CWH43: variants seen among roughly 807,000 people sequenced by gnomAD.
CWH43 encodes the protein PGAP2-interacting protein.
A neutral mutation model predicts 85.7 loss-of-function variants in CWH43; 91 were observed. The observed-to-expected ratio is 1.06, with a 90% CI of 0.90 to 1.26. The LOEUF (loss-of-function observed/expected upper bound fraction) is 1.26. Ranked by LOEUF, CWH43 falls within the 50% of genes most tolerant of loss-of-function variation. The pLI is 0.00. For missense variants in CWH43, 869 were observed against 839.2 expected (o/e 1.04, Z -0.44); for synonymous variants, 323 against 293.6 (o/e 1.10, Z -1.02).
intron 13 of CWH43, among the ~76,000 whole-genome samples, chr4:49,039,336 G>GATATATATATATACTT (rs1784374851): frequency 4.5e-4 from 2 of 4,422 alleles, no homozygotes; most frequent in Admixed American, 4.9e-3. Flanking sequence ...TATATATACT[G>GATATATATATATACTT]ATGTATATAT....
At chr4:49,030,649 A>G (rs1360757178) in intron 10 of CWH43, among the ~76,000 whole-genome samples, 176 bp from the exon 11 acceptor site, 1 of 152,164 alleles carries the variant, frequency 6.6e-6, no homozygotes, top group Non-Finnish European at 1.5e-5. Flanking sequence ...AACGTGGGGA[A>G]ATTCCTTTAG....
intron 13 of CWH43, among the ~76,000 whole-genome samples, chr4:49,039,394 C>T (rs201711838): frequency 5.4e-5 from 3 of 55,900 alleles, no homozygotes; most frequent in Middle Eastern, 0.013. Flanking sequence ...TATATATATA[C>T]ACACTGATAT....
At chr4:49,050,651 A>G in intron 14 of CWH43, 43 bp from the exon 15 acceptor site, 1 of 1,537,544 alleles carries the variant, frequency 6.5e-7, no homozygotes, top group Non-Finnish European at 8.9e-7. Flanking sequence ...AGATTTCTAT[A>G]CAATAATAAA....
intron 8 of CWH43, among the ~76,000 whole-genome samples, chr4:49,008,242 A>T (rs1312844661): frequency 6.6e-6 from 1 of 151,652 alleles, no homozygotes; most frequent in African/African-American, 2.4e-5. Context: ...GCATTTTTTC[A>T]TGTGTATGTT....
intron 8 of CWH43, among the ~76,000 whole-genome samples, chr4:49,008,493 G>A (rs905615302): frequency 1.3e-5 from 2 of 152,118 alleles, no homozygotes; most frequent in African/African-American, 4.8e-5. Context: ...GATCCCATTT[G>A]TCAATTTTGG....
chr4:48,987,247 G>A (rs1298694312), intron 1 of CWH43, among the ~76,000 whole-genome samples: 4 of 152,094 alleles, frequency 2.6e-5, no homozygotes, highest in Non-Finnish European at 4.4e-5. Flanking sequence ...GGCTCAGCCT[G>A]TATCTATAAG....
At chr4:49,040,198 A>G (rs957460504) in intron 13 of CWH43, among the ~76,000 whole-genome samples, 2 of 152,190 alleles carry the variant, frequency 1.3e-5, no homozygotes, top group African/African-American at 2.4e-5. Flanking sequence ...TAGTGCCGCA[A>G]TAAACATACG....
At chr4:49,011,222 A>G (rs1268295576) in intron 8 of CWH43, among the ~76,000 whole-genome samples, 2 of 152,030 alleles carry the variant, frequency 1.3e-5, no homozygotes, top group Admixed American at 1.3e-4. Flanking sequence ...TCCCTTTACT[A>G]TTATGTAATG....
chr4:49,055,787 G>T (rs1328972187), intron 15 of CWH43, among the ~76,000 whole-genome samples: 1 of 151,916 alleles, frequency 6.6e-6, no homozygotes, highest in Admixed American at 6.6e-5. Flanking sequence ...ATAGGGTTTC[G>T]CCATGTTGGC....
intron 12 of CWH43, among the ~76,000 whole-genome samples, chr4:49,032,999 T>A (rs1264091784): frequency 6.6e-6 from 1 of 152,084 alleles, no homozygotes; most frequent in Non-Finnish European, 1.5e-5. Context: ...TGCTCTTCAC[T>A]CTGTGTAGGG....
intron 9 of CWH43, among the ~76,000 whole-genome samples, chr4:49,019,630 G>T (rs1321209712): frequency 6.6e-6 from 1 of 151,746 alleles, no homozygotes; most frequent in Middle Eastern, 3.2e-3. Flanking sequence ...CCCAGGCTGG[G>T]GTGCAGTGGC....
chr4:49,009,762 A>G (rs1783292570), intron 8 of CWH43, among the ~76,000 whole-genome samples: 1 of 152,032 alleles, frequency 6.6e-6, no homozygotes, highest in African/African-American at 2.4e-5. Context: ...GGTTCTGTTT[A>G]TGTGATGGAT....
intron 12 of CWH43, among the ~76,000 whole-genome samples, chr4:49,037,399 T>C (rs1393054018): frequency 6.6e-6 from 1 of 152,106 alleles, no homozygotes; most frequent in Non-Finnish European, 1.5e-5. Context: ...CAAAATGCTG[T>C]CTCTACTAAA....
At chr4:48,994,467 G>T in intron 4 of CWH43, 152 bp from the exon 5 acceptor site, 1 of 643,324 alleles carries the variant, frequency 1.6e-6, no homozygotes, top group South Asian at 1.9e-5. Flanking sequence ...AGCATGTTTA[G>T]CTTCATATTG....
chr4:49,061,382 C>T (rs1489720934), intron 15 of CWH43, among the ~76,000 whole-genome samples: 1 of 152,172 alleles, frequency 6.6e-6, no homozygotes, highest in Non-Finnish European at 1.5e-5. Flanking sequence ...TCAACCAGAG[C>T]TGTATAATTA....
intron 2 of CWH43, among the ~76,000 whole-genome samples, chr4:48,989,419 A>G (rs542968229): frequency 7.2e-5 from 11 of 152,212 alleles, no homozygotes; most frequent in African/African-American, 2.2e-4. Flanking sequence ...ATTTAGCAGT[A>G]TTATCAAAAT....
chr4:49,014,526 G>T (rs1309069171), intron 8 of CWH43, among the ~76,000 whole-genome samples: 1 of 150,446 alleles, frequency 6.6e-6, no homozygotes, highest in Non-Finnish European at 1.5e-5. Flanking sequence ...GATTTTTTTT[G>T]TGTGTTTTCT....
At chr4:49,046,766 A>G (rs1363038144) in intron 14 of CWH43, among the ~76,000 whole-genome samples, 1 of 151,890 alleles carries the variant, frequency 6.6e-6, no homozygotes, top group African/African-American at 2.4e-5. Context: ...AGAGTGAGAG[A>G]AGTGATGTGA....
chr4:49,008,935 C>T (rs11737684), intron 8 of CWH43, among the ~76,000 whole-genome samples: 91,863 of 152,000 alleles, frequency 0.6, 30,306 homozygotes, highest in Middle Eastern at 0.78. Flanking sequence ...TTCTTTTTGC[C>T]TAGGATTGTC....
Sources: gnomAD v4.1 joint callset for allele counts (sites outside exome capture counted in the v4.1 genomes callset) on GRCh38, gnomAD v4.1.1 for gene constraint, MANE v1.5 for transcripts, NCBI Gene and HGNC (gene_info 2026-07-23, HGNC 2026-07-21) for gene names.